NDUFA2: variants seen among roughly 807,000 people sequenced by gnomAD.
NDUFA2 encodes the protein NADH dehydrogenase [ubiquinone] 1 alpha subcomplex subunit 2.
A neutral mutation model predicts 11.4 loss-of-function variants in NDUFA2; 9 were observed. The observed-to-expected ratio is 0.79, with a 90% CI of 0.48 to 1.38. The LOEUF (loss-of-function observed/expected upper bound fraction) is 1.38, where lower values mean the gene tolerates loss of function less well. Ranked by LOEUF, NDUFA2 falls within the 40% of genes most tolerant of loss-of-function variation. NDUFA2 has a pLI of 0.00. For missense variants in NDUFA2, 150 were observed against 131.2 expected, an observed-to-expected ratio of 1.14 and a Z score of -0.70; for synonymous variants, 49 against 54.0, an observed-to-expected ratio of 0.91 and a Z score of 0.41.
At chr5:140,646,623 T>G (rs1757416160) in intron 2 of NDUFA2, among the ~76,000 whole-genome samples, 1 of 152,178 alleles carries the variant, frequency 6.6e-6, no homozygotes, top group Non-Finnish European at 1.5e-5. Context: ...CTACAATGTG[T>G]TAGGCAACAT....
Position 140,645,489 on chromosome 5 carries a change from G to T in NDUFA2, c.*98C>A, listed in dbSNP as rs554159431. On this transcript the variant is annotated 3_prime_UTR_variant, in exon 3 of 3. Transcript: ENST00000252102. ...CCTGAGAAAGTATTTTACAGCACAAGCTTTATGAGGAATAGGAGAACACAT... is the reference window on the plus strand; with the variant it reads ...CCTGAGAAAGTATTTTACAGCACAATCTTTATGAGGAATAGGAGAACACAT... 6.8e-7 allele frequency: 1 copy of T among 1,477,924 alleles called. No homozygotes were observed. Among genetic ancestry groups the T allele is most frequent in the East Asian group, 2.3e-5 (1 of 44,118 alleles). 91.6% of individuals were successfully genotyped at this position (1,477,924 alleles called of 1,614,324 possible).
In NDUFA2 at chr5:140,646,042, G is replaced by A. The variant is rs1961972; in HGVS notation, c.209-364C>T. Among the ~76,000 whole-genome samples, 2,821 of 138,636 alleles carry A rather than the reference G, an allele frequency of 0.02. 38 individuals are homozygous for A. The highest frequency in any genetic ancestry group is 0.044 in the Middle Eastern group (11 of 248). The allele number at this position is 138,636 out of a possible 152,430, so 91.0% of individuals were successfully genotyped here. ...TTTTTTTTTTTTGAGACGGAGTCTC[G>A]CTCTGTCACCCAGGCTGGAGTGTGG... On this transcript the variant is annotated intron_variant, in intron 2 of 2. Coordinates refer to ENST00000252102, the MANE Select transcript of NDUFA2 (RefSeq NM_002488.5).
In NDUFA2 at chr5:140,647,630, C is replaced by T; in HGVS notation, c.-47G>A. On this transcript the variant is annotated 5_prime_UTR_variant, in exon 1 of 3. Coordinates refer to ENST00000252102, the MANE Select transcript of NDUFA2 (RefSeq NM_002488.5). The stretch of plus-strand genomic sequence containing the variant: ...CAATTCCAGGTCTTCAGGCCAAGTG[C>T]TCCGGTCTGACCAACCGCGGACCCT... 1 of 1,594,650 alleles carries T rather than the reference C, an allele frequency of 6.3e-7. No homozygotes were observed.
In NDUFA2 at chr5:140,647,287, G is replaced by A. The variant is rs200255683; in HGVS notation, c.177C>T (p.Ser59=). ...GGGCCCAGAGCTTGGGCTGCACATC[G>A]GAGCATTCGCGGATTAGGATGGGTA... ...PDLPILIREC[S]DVQPKLWARY... is the part of the protein sequence containing the mutation. The change falls in exon 2 of 3, where the codon TCC becomes TCT. Residue 59 remains serine, a synonymous_variant. Transcript: ENST00000252102. The A allele has an allele frequency of 2.0e-5, 32 of 1,570,292 alleles. No individual in the cohort carries two copies. The East Asian group carries it at 7.0e-4, about 34-fold the overall frequency.
chr5:140,647,444 C>T, intron 1 of NDUFA2, 39 bp downstream of exon 1: 1 of 1,607,028 alleles, frequency 6.2e-7, no homozygotes. Context: ...GTGACCCTGG[C>T]GTCCCGAAGC....
At position 140,645,473 on chromosome 5, in the gene NDUFA2, G is replaced by A; in HGVS notation, c.*114C>T. The A allele has an allele frequency of 7.2e-7, 1 of 1,385,294 alleles. No homozygotes were observed. Among genetic ancestry groups the A allele is most frequent in the Non-Finnish European group, 1.0e-6 (1 of 991,932 alleles). 85.8% of individuals were successfully genotyped at this position (1,385,294 alleles called of 1,614,324 possible). On this transcript the variant is annotated 3_prime_UTR_variant, in exon 3 of 3. Coordinates refer to ENST00000252102, the MANE Select transcript of NDUFA2 (RefSeq NM_002488.5). ...ATGAGGACAAGAACACCCTGAGAAA[G>A]TATTTTACAGCACAAGCTTTATGAG...
In NDUFA2 at chr5:140,647,371, C is replaced by T. The variant is rs766668017; in HGVS notation, c.102-9G>A. 3.7e-6 allele frequency: 6 copies of T among 1,611,050 alleles called. No homozygotes were observed. The highest frequency in any genetic ancestry group is 2.5e-6 in the Non-Finnish European group (3 of 1,177,910). On this transcript the variant is annotated splice_polypyrimidine_tract_variant and intron_variant, in intron 1 of 2. Transcript: ENST00000252102. Reference sequence around the variant, plus strand: ...GTTTCTCAATGAAGTCCCTGCGGGGCCGGAGAGAGCGCCGCGCGTGCTGTG... The same window carrying T: ...GTTTCTCAATGAAGTCCCTGCGGGGTCGGAGAGAGCGCCGCGCGTGCTGTG...
intron 2 of NDUFA2, 42 bp from the exon 3 acceptor site, chr5:140,645,720 T>C: frequency 6.2e-7 from 1 of 1,613,960 alleles, no homozygotes; most frequent in Middle Eastern, 1.6e-4. Flanking sequence ...TTCTGCACCC[T>C]GGAGGCTACC....
chr5:140,647,289 A>G lies in NDUFA2; in HGVS notation c.175T>C (p.Ser59Pro), dbSNP rs766721362. Residue 59 changes from serine to proline, a missense_variant, in exon 2 of 3, where the codon TCC becomes CCC. Transcript: ENST00000252102. The stretch of plus-strand genomic sequence containing the variant: ...GCCCAGAGCTTGGGCTGCACATCGG[A>G]GCATTCGCGGATTAGGATGGGTAGG... ...PDLPILIREC[S>P]DVQPKLWARY... is the part of the protein sequence containing the mutation. 3.8e-6 allele frequency: 6 copies of G among 1,571,134 alleles called. No homozygotes were observed. In the African/African-American group the frequency reaches 6.8e-5, roughly 18 times the overall value.
At chr5:140,646,760 A>G (rs2149802315) in intron 2 of NDUFA2, among the ~76,000 whole-genome samples, 1 of 152,310 alleles carries the variant, frequency 6.6e-6, no homozygotes, top group South Asian at 2.1e-4. Context: ...AGTTGCAGCT[A>G]GAGTTTAACA....
In NDUFA2 at chr5:140,645,319, A is replaced by C; in HGVS notation, c.*268T>G. The C allele has an allele frequency of 1.4e-6, 1 of 722,224 alleles. No individual in the cohort carries two copies. Among genetic ancestry groups the C allele is most frequent in the Non-Finnish European group, 2.4e-6 (1 of 413,184 alleles). 44.7% of individuals were successfully genotyped at this position (722,224 alleles called of 1,614,324 possible). A position where few individuals can be genotyped will look rare whatever the true frequency, so the allele number is the denominator to read the frequency against. ...GGTCTACTTACTCTGGGGCCCTAGA[A>C]TCCCTGCCCCCCCGCCACCCTTCAT... On this transcript the variant is annotated 3_prime_UTR_variant, in exon 3 of 3. Transcript: ENST00000252102.
chr5:140,645,536 C>T lies in NDUFA2; in HGVS notation c.*51G>A, dbSNP rs1757344574. 3 of 1,608,478 alleles carry T rather than the reference C, an allele frequency of 1.9e-6. No individual in the cohort carries two copies. Among genetic ancestry groups the T allele is most frequent in the Non-Finnish European group, 2.6e-6 (3 of 1,175,672 alleles). ...ACATTTTTTTCACATTATACTAAGTCCAGCAGAGCCCAGGCTCTGGGGCTG... is the reference window on the plus strand; with the variant it reads ...ACATTTTTTTCACATTATACTAAGTTCAGCAGAGCCCAGGCTCTGGGGCTG... On this transcript the variant is annotated 3_prime_UTR_variant, in exon 3 of 3. Coordinates refer to ENST00000252102, the MANE Select transcript of NDUFA2 (RefSeq NM_002488.5).
rs1177246200 is a variant in NDUFA2, at chr5:140,645,481, C to T, written c.*106G>A. Reference sequence around the variant, plus strand: ...AAGAACACCCTGAGAAAGTATTTTACAGCACAAGCTTTATGAGGAATAGGA... The same window carrying T: ...AAGAACACCCTGAGAAAGTATTTTATAGCACAAGCTTTATGAGGAATAGGA... On this transcript the variant is annotated 3_prime_UTR_variant, in exon 3 of 3. Coordinates refer to ENST00000252102, the MANE Select transcript of NDUFA2 (RefSeq NM_002488.5). 2.8e-6 allele frequency: 4 copies of T among 1,439,764 alleles called. No individual in the cohort carries two copies. Among genetic ancestry groups the T allele is most frequent in the East Asian group, 2.3e-5 (1 of 43,674 alleles). 89.2% of individuals were successfully genotyped at this position (1,439,764 alleles called of 1,614,324 possible).
chr5:140,647,392 C>G, intron 1 of NDUFA2, 30 bp from the exon 2 acceptor site: 1 of 1,611,090 alleles, frequency 6.2e-7, no homozygotes, highest in East Asian at 2.2e-5. Flanking sequence ...GCCGCGCGTG[C>G]TGTGGGCGGG....
At position 140,647,546 on chromosome 5, in the gene NDUFA2, T is replaced by A; in HGVS notation, c.38A>T (p.Lys13Met). 3.7e-6 allele frequency: 6 copies of A among 1,612,044 alleles called. No homozygotes were observed. Among genetic ancestry groups the A allele is most frequent in the Non-Finnish European group, 5.1e-6 (6 of 1,180,028 alleles). Residue 13 changes from lysine (K) to methionine (M), a missense_variant, in exon 1 of 3, where the codon AAG becomes ATG. Physicochemically the swap from Lys to Met is moderately conservative, Grantham distance 95. Transcript: ENST00000252102. Reference protein sequence around the residue: ...AAAASRGVGAKLGLREIRIHL... With the variant: ...AAAASRGVGAMLGLREIRIHL... ...GATGCGAATCTCACGCAGGCCCAGCTTTGCCCCGACTCCTCGACTTGCTGC... is the reference window on the plus strand; with the variant it reads ...GATGCGAATCTCACGCAGGCCCAGCATTGCCCCGACTCCTCGACTTGCTGC...
intron 2 of NDUFA2, 29 bp from the exon 3 acceptor site, chr5:140,645,707 C>A: frequency 1.2e-6 from 2 of 1,614,172 alleles, no homozygotes; most frequent in South Asian, 2.2e-5. Flanking sequence ...GTGTCTTTAA[C>A]TATTCTGCAC....
chr5:140,646,396 G>T (rs1307662972), intron 2 of NDUFA2, among the ~76,000 whole-genome samples: 1 of 152,112 alleles, frequency 6.6e-6, no homozygotes, highest in Non-Finnish European at 1.5e-5. Context: ...ATCTCCTCCT[G>T]TAGTCTACTG....
At chr5:140,647,399 CGGGGGCT>C in intron 1 of NDUFA2, 37 bp from the exon 2 acceptor site, 1 of 1,611,048 alleles carries the variant, frequency 6.2e-7, no homozygotes, top group Middle Eastern at 1.7e-4. Flanking sequence ...GTGCTGTGGG[CGGGGGCT>C]TCCCTCAACT....
chr5:140,646,440 A>G (rs1159928294), intron 2 of NDUFA2, among the ~76,000 whole-genome samples: 1 of 152,110 alleles, frequency 6.6e-6, no homozygotes, highest in Non-Finnish European at 1.5e-5. Flanking sequence ...TCCTTCTCCA[A>G]TTATTAGTGC....
Sources: allele counts gnomAD v4.1 joint callset (sites outside exome capture counted in the v4.1 genomes callset), GRCh38; gene constraint gnomAD v4.1.1; transcripts MANE v1.5; gene names NCBI Gene and HGNC (gene_info 2026-07-23, HGNC 2026-07-21).